Variants in DPH6 observed in about 807,000 individuals in gnomAD.
The protein encoded by DPH6 is diphthamine biosynthesis 6.
A neutral mutation model predicts 38.2 loss-of-function variants in DPH6; 33 were observed. The ratio of observed to expected loss-of-function variants is 0.86; its 90% confidence interval spans 0.65 to 1.15. The LOEUF (loss-of-function observed/expected upper bound fraction) is 1.15. Among genes scored for constraint, DPH6 ranks in the 50% most tolerant of loss-of-function variants. The probability of loss-of-function intolerance (pLI) is 0.00; values close to 1 mark genes in which losing one functional copy is unlikely to be tolerated. For synonymous variants in DPH6, 108 were observed against 103.0 expected, an observed-to-expected ratio of 1.05 and a Z score of -0.30; for missense variants, 325 against 320.0, an observed-to-expected ratio of 1.02 and a Z score of -0.12.
the DPH6 span, among the ~76,000 whole-genome samples, chr15:35,211,497 AG>A: frequency 1.3e-5 from 2 of 152,300 alleles, no homozygotes; most frequent in South Asian, 4.1e-4. Flanking sequence ...GCAGCTGAAG[AG>A]GGGGAGGAGG....
Position 35,522,206 on chromosome 15 carries a change from C to T in DPH6, c.312+16068G>A, listed in dbSNP as rs116507982. 739 of 1,613,284 alleles carry T rather than the reference C, an allele frequency of 4.6e-4. 1 individual carries two copies. In the African/African-American group the frequency reaches 8.6e-3, roughly 19 times the overall value. On this transcript the variant is annotated intron_variant, in intron 3 of 8. Coordinates refer to ENST00000256538, the MANE Select transcript of DPH6 (RefSeq NM_080650.4). ...CTGTAAACAATCGCCTGGCTGCCCA[C>T]TTTCAAATGCATGTGAAAATCTTGG... is the stretch of plus-strand genomic sequence containing the variant.
chr15:35,277,948 TA>T (rs1283305270), intron 3 of DPH6, among the ~76,000 whole-genome samples: 1 of 152,120 alleles, frequency 6.6e-6, no homozygotes, highest in East Asian at 1.9e-4. Flanking sequence ...AATTCATATT[TA>T]AAAGGGAAAC....
intron 3 of DPH6, among the ~76,000 whole-genome samples, chr15:35,523,604 A>C (rs1222742777): frequency 2.6e-5 from 4 of 152,102 alleles, no homozygotes; most frequent in Non-Finnish European, 4.4e-5. Context: ...GGAAAAACTT[A>C]TGATACTAAG....
intron 6 of DPH6, among the ~76,000 whole-genome samples, chr15:35,391,734 G>A (rs192548039): frequency 9.2e-5 from 14 of 152,296 alleles, no homozygotes; most frequent in Admixed American, 5.9e-4. Flanking sequence ...TCCAGGTGCC[G>A]TCTGTCACCC....
At chr15:35,421,069 T>A (rs569393101) in intron 5 of DPH6, among the ~76,000 whole-genome samples, 319 of 152,212 alleles carry the variant, frequency 2.1e-3, no homozygotes, top group Non-Finnish European at 3.4e-3. Context: ...TAGAAACCTA[T>A]AACCTACCAA....
intron 5 of DPH6, among the ~76,000 whole-genome samples, chr15:35,441,113 C>G (rs575148644): frequency 6.6e-6 from 1 of 152,106 alleles, no homozygotes; most frequent in African/African-American, 2.4e-5. Flanking sequence ...CAATGAGATA[C>G]CATCTCATGC....
At chr15:35,394,204 C>T (rs897058740) in intron 6 of DPH6, among the ~76,000 whole-genome samples, 3 of 152,124 alleles carry the variant, frequency 2.0e-5, no homozygotes, top group Non-Finnish European at 4.4e-5. Context: ...CACCTTTATG[C>T]TATTCTGCTG....
chr15:35,437,275 C>CTT (rs2141049232), intron 5 of DPH6, among the ~76,000 whole-genome samples: 1 of 152,256 alleles, frequency 6.6e-6, no homozygotes, highest in East Asian at 1.9e-4. Flanking sequence ...TGAATGCACC[C>CTT]TGAGTCCTGG....
chr15:35,258,864 A>G lies in DPH6; in HGVS notation n.201-38282T>C, dbSNP rs538269167. ...GCATCTTCTCCTTAAGATTCCTACT[A>G]TGGGCCGGGCACGGTGGCTCACACC... is the stretch of plus-strand genomic sequence containing the variant. On this transcript the variant is annotated intron_variant and non_coding_transcript_variant, in intron 3 of 3. Coordinates refer to the DPH6 transcript ENST00000560386. Among the ~76,000 whole-genome samples the G allele has an allele frequency of 3.6e-4, 55 of 151,834 alleles. 4 individuals are homozygous for G. The South Asian group carries it at 0.011, about 30-fold the overall frequency.
chr15:35,433,961 T>C (rs1293621197), intron 5 of DPH6, among the ~76,000 whole-genome samples: 2 of 152,196 alleles, frequency 1.3e-5, no homozygotes, highest in Non-Finnish European at 2.9e-5. Context: ...GAGATATCTT[T>C]ATGTGGTTGT....
intron 3 of DPH6, among the ~76,000 whole-genome samples, chr15:35,234,631 A>C (rs533971234): frequency 6.6e-6 from 1 of 152,270 alleles, no homozygotes; most frequent in Non-Finnish European, 1.5e-5. Context: ...TCATAGACTT[A>C]AGCCAAATTT....
chr15:35,390,611 C>G (rs1216347888), intron 6 of DPH6, among the ~76,000 whole-genome samples: 2 of 152,174 alleles, frequency 1.3e-5, no homozygotes, highest in Non-Finnish European at 2.9e-5. Flanking sequence ...ATCGCTGATA[C>G]CTTTTCTTCC....
At chr15:35,214,111 CA>C (rs202243463), downstream of DPH6, among the ~76,000 whole-genome samples, 9,017 of 85,382 alleles carry the variant, frequency 0.11, 770 homozygotes, top group African/African-American at 0.28. Context: ...GACTCCGTCT[CA>C]AAAAAAAAAA....
At chr15:35,329,403 G>A (rs1054667585), downstream of DPH6, among the ~76,000 whole-genome samples, 2 of 152,064 alleles carry the variant, frequency 1.3e-5, no homozygotes, top group Non-Finnish European at 2.9e-5. Context: ...TTGCATTGAG[G>A]CAACTTATTT....
intron 3 of DPH6, among the ~76,000 whole-genome samples, chr15:35,285,043 C>T (rs1283396186): frequency 1.3e-5 from 2 of 151,924 alleles, no homozygotes; most frequent in African/African-American, 4.8e-5. Flanking sequence ...CTTCTGGGCT[C>T]AAGTGATCCT....
intron 5 of DPH6, among the ~76,000 whole-genome samples, chr15:35,447,393 C>T (rs573425693): frequency 7.0e-4 from 107 of 152,266 alleles, no homozygotes; most frequent in African/African-American, 2.6e-3. Context: ...CAGCTCTCCA[C>T]AGAACTTGAA....
the DPH6 span, among the ~76,000 whole-genome samples, chr15:35,175,943 T>C: frequency 6.6e-6 from 1 of 152,226 alleles, no homozygotes; most frequent in East Asian, 1.9e-4. Context: ...CTCTCTCAGG[T>C]CAAGTCAAAC....
At chr15:35,194,507 A>G in the DPH6 span, among the ~76,000 whole-genome samples, 1 of 152,216 alleles carries the variant, frequency 6.6e-6, no homozygotes, top group African/African-American at 2.4e-5. Flanking sequence ...CAGAGCACAC[A>G]ATAGCTCTAC....
intron 3 of DPH6, among the ~76,000 whole-genome samples, chr15:35,343,774 T>G (rs1280225231): frequency 1.3e-5 from 2 of 152,008 alleles, no homozygotes. Flanking sequence ...CTCATTAACT[T>G]TATAATGTAG....
Sources: allele counts gnomAD v4.1 joint callset (sites outside exome capture counted in the v4.1 genomes callset), GRCh38; gene constraint gnomAD v4.1.1; transcripts MANE v1.5; gene names NCBI Gene and HGNC (gene_info 2026-07-23, HGNC 2026-07-21).